The following ERAP1 variants were observed in gnomAD, a reference collection of about 807,000 sequenced individuals.
The protein encoded by ERAP1 is adipocyte-derived leucine aminopeptidase.
A neutral mutation model predicts 103.7 loss-of-function variants in ERAP1; 86 were observed. The observed-to-expected ratio is 0.83, with a 90% CI of 0.70 to 0.99. ERAP1 has a LOEUF of 0.99. ERAP1 is among the 50% of genes least tolerant of loss of function. The pLI, the probability that ERAP1 is intolerant of heterozygous loss-of-function variation, is 0.00. For synonymous variants in ERAP1, 398 were observed against 402.4 expected (o/e 0.99, Z 0.13); for missense variants, 1,009 against 1,128.4 (o/e 0.89, Z 1.52).
chr5:96,779,362 G>T (rs1316124569), intron 18 of ERAP1: 4 of 152,202 alleles, frequency 2.6e-5, no homozygotes, highest in Admixed American at 6.5e-5. Context: ...CAAGGCTTTG[G>T]ACATCTCTTC....
the ERAP1 span, among the ~76,000 whole-genome samples, chr5:96,870,310 A>G: frequency 6.6e-6 from 1 of 152,208 alleles, no homozygotes; most frequent in Admixed American, 6.5e-5. Flanking sequence ...GACAAACACA[A>G]GCCAACTCCA....
At chr5:96,870,610 G>C in the ERAP1 span, among the ~76,000 whole-genome samples, 28 of 152,240 alleles carry the variant, frequency 1.8e-4, no homozygotes, top group South Asian at 5.8e-3. Flanking sequence ...GGGCTCCCCA[G>C]GGTGTTTTCC....
chr5:96,879,224 A>C, the ERAP1 span, among the ~76,000 whole-genome samples: 1 of 152,240 alleles, frequency 6.6e-6, no homozygotes, highest in African/African-American at 2.4e-5. Flanking sequence ...ACCCTGTCTA[A>C]AACATAAATA....
At chr5:96,768,414 A>C in intron 19 of ERAP1, 1 of 457,314 alleles carries the variant, frequency 2.2e-6, no homozygotes, top group South Asian at 1.6e-5. Context: ...GAATGAATCA[A>C]ACGATGATAT....
chr5:96,875,671 G>C, the ERAP1 span, among the ~76,000 whole-genome samples: 5 of 152,124 alleles, frequency 3.3e-5, no homozygotes, highest in Non-Finnish European at 7.3e-5. Context: ...TAAAGCAAAG[G>C]GTGTTTATCT....
At chr5:96,884,731 T>A in the ERAP1 span, among the ~76,000 whole-genome samples, 1 of 151,802 alleles carries the variant, frequency 6.6e-6, no homozygotes, top group Admixed American at 6.6e-5. Flanking sequence ...CTAACTTTTT[T>A]TGTATTTTCA....
chr5:96,838,208 G>A, the ERAP1 span, among the ~76,000 whole-genome samples: 2 of 152,170 alleles, frequency 1.3e-5, no homozygotes, highest in Non-Finnish European at 2.9e-5. Flanking sequence ...CCTGCCTCCT[G>A]TCCCTATCAT....
the ERAP1 span, among the ~76,000 whole-genome samples, chr5:96,887,840 C>T: frequency 1.3e-5 from 2 of 152,056 alleles, no homozygotes; most frequent in Non-Finnish European, 2.9e-5. Flanking sequence ...GAAAAATGGG[C>T]ATAGGCCGGG....
At chr5:96,923,420 C>A in the ERAP1 span, among the ~76,000 whole-genome samples, 1 of 152,262 alleles carries the variant, frequency 6.6e-6, no homozygotes, top group South Asian at 2.1e-4. Flanking sequence ...TCAGGCGGGG[C>A]GTAGTGGCTG....
the ERAP1 span, among the ~76,000 whole-genome samples, chr5:96,838,171 G>A: frequency 6.6e-6 from 1 of 152,136 alleles, no homozygotes; most frequent in Non-Finnish European, 1.5e-5. Context: ...TCCTCGCAGC[G>A]AACCTGCCCT....
At chr5:96,762,372 G>A (rs533215825) in exon 20 of ERAP1, 6 of 1,583,954 alleles carry the variant, frequency 3.8e-6, no homozygotes, top group Admixed American at 3.8e-5. Flanking sequence ...GTGATACCTC[G>A]GTAAGCAGCA....
chr5:96,887,131 A>C, the ERAP1 span, among the ~76,000 whole-genome samples: 1 of 149,892 alleles, frequency 6.7e-6, no homozygotes, highest in African/African-American at 2.4e-5. Context: ...ACACACATAC[A>C]TATATACCCT....
chr5:96,848,509 T>A, the ERAP1 span, among the ~76,000 whole-genome samples: 7,271 of 152,246 alleles, frequency 0.048, 213 homozygotes, highest in South Asian at 0.11. Context: ...TATGAACAAT[T>A]GTACACCAAC....
chr5:96,792,308 C>T (rs1776821135), intron 7 of ERAP1, 116 bp from the exon 8 acceptor site: 1 of 875,338 alleles, frequency 1.1e-6, no homozygotes, highest in Non-Finnish European at 1.9e-6. Context: ...TGGGGGCAAC[C>T]TATTCCATAT....
chr5:96,812,512 C>A (rs918559788), upstream of ERAP1, among the ~76,000 whole-genome samples: 1 of 152,022 alleles, frequency 6.6e-6, no homozygotes, highest in Non-Finnish European at 1.5e-5. Flanking sequence ...TTTGCATATG[C>A]CTAAAGGAAT....
Position 96,785,833 on chromosome 5 carries a change from C to G in ERAP1, c.1898G>C (p.Ser633Thr). ...GTTAATGAGACTCGCCCGATCATTA[C>G]TGCTGACTGCTGTGTGTGTTCCTTT... ...LLKGTHTAVS[S>T]NDRASLINNA... Residue 633 changes from serine to threonine, a missense_variant, in exon 13 of 19, where the codon AGT becomes ACT. Coordinates refer to ENST00000443439, the MANE Select transcript of ERAP1 (RefSeq NM_001040458.3). 4.3e-6 allele frequency: 7 copies of G among 1,614,168 alleles called. No individual in the cohort carries two copies. Among genetic ancestry groups the G allele is most frequent in the Non-Finnish European group, 5.9e-6 (7 of 1,180,006 alleles).
chr5:96,881,408 G>A, the ERAP1 span: 1 of 456,144 alleles, frequency 2.2e-6, no homozygotes, highest in Non-Finnish European at 4.4e-6. Context: ...TGTGAGGTGA[G>A]GGAAATAGAA....
the ERAP1 span, chr5:96,886,778 T>A: frequency 6.6e-7 from 1 of 1,505,148 alleles, no homozygotes; most frequent in Non-Finnish European, 9.0e-7. Context: ...CTTCACTTCA[T>A]CAGGGGTCAA....
At chr5:96,911,275 T>C in the ERAP1 span, among the ~76,000 whole-genome samples, 2 of 152,224 alleles carry the variant, frequency 1.3e-5, no homozygotes, top group African/African-American at 4.8e-5. Flanking sequence ...ATGGTCACTT[T>C]GTGACAAATG....
Sources: gnomAD v4.1 joint callset for allele counts (sites outside exome capture counted in the v4.1 genomes callset) on GRCh38, gnomAD v4.1.1 for gene constraint, MANE v1.5 for transcripts, NCBI Gene and HGNC (gene_info 2026-07-23, HGNC 2026-07-21) for gene names.